Variants in APBA1 observed in about 807,000 individuals in gnomAD.
The protein encoded by APBA1 is amyloid-beta A4 precursor protein-binding family A member 1.
APBA1 carries 55 observed loss-of-function variants against 86.6 expected under a neutral mutation model. That is an observed-to-expected ratio of 0.64 (90% confidence interval 0.51 to 0.80). APBA1 has a LOEUF of 0.80. Ranked by LOEUF, APBA1 falls within the 30% of genes least tolerant of loss-of-function variation. APBA1 has a pLI of 0.00. For synonymous variants in APBA1, 511 were observed against 493.9 expected (o/e 1.03, Z -0.46); for missense variants, 1,090 against 1,183.0 (o/e 0.92, Z 1.15).
chr9:69,666,948 T>C (rs1049989574), intron 1 of APBA1, among the ~76,000 whole-genome samples: 3 of 152,370 alleles, frequency 2.0e-5, no homozygotes, highest in Admixed American at 6.5e-5. Flanking sequence ...CAAATGTATA[T>C]TGAATGCATA....
chr9:69,517,201 A>G lies in APBA1; in HGVS notation c.10T>C (p.Leu4=), dbSNP rs1836179598. The change falls in exon 2 of 13, where the codon TTG becomes CTG. Residue 4 remains leucine (L), a synonymous_variant. Coordinates refer to ENST00000265381, the MANE Select transcript of APBA1 (RefSeq NM_001163.4). MNH[L]EGSAEVEVTD... ...ACCTCCACCTCCGCAGACCCCTCCA[A>G]GTGGTTCATGGTGGGAGTCGGAACG... 2 of 1,502,526 alleles carry G rather than the reference A, an allele frequency of 1.3e-6. No individual in the cohort carries two copies. The highest frequency in any genetic ancestry group is 1.8e-6 in the Non-Finnish European group (2 of 1,125,388). 93.1% of individuals were successfully genotyped at this position (1,502,526 alleles called of 1,614,324 possible).
chr9:69,558,390 C>CT (rs1836894603), intron 1 of APBA1, among the ~76,000 whole-genome samples: 1 of 151,806 alleles, frequency 6.6e-6, no homozygotes. Context: ...ATTACTATGT[C>CT]TTTTCTATGC....
intron 3 of APBA1, among the ~76,000 whole-genome samples, chr9:69,473,471 A>G (rs1835396099): frequency 6.6e-6 from 1 of 152,200 alleles, no homozygotes; most frequent in Non-Finnish European, 1.5e-5. Context: ...GCCTCCAGGT[A>G]TATCTAAGAA....
At chr9:69,452,738 C>T (rs572911349) in intron 8 of APBA1, among the ~76,000 whole-genome samples, 201 of 152,326 alleles carry the variant, frequency 1.3e-3, no homozygotes, top group Non-Finnish European at 1.8e-3. Context: ...CTCTAATACA[C>T]ATCGAACATT....
intron 1 of APBA1, among the ~76,000 whole-genome samples, chr9:69,608,903 G>C (rs1564091132): frequency 6.6e-6 from 1 of 151,952 alleles, no homozygotes; most frequent in Non-Finnish European, 1.5e-5. Flanking sequence ...ATATTTTCTA[G>C]ACATAATCTA....
At chr9:69,440,476 G>T (rs1047651726) in intron 11 of APBA1, among the ~76,000 whole-genome samples, 2 of 151,730 alleles carry the variant, frequency 1.3e-5, no homozygotes, top group African/African-American at 2.4e-5. Flanking sequence ...TCAAGCCTGG[G>T]CAATGGTGGG....
chr9:69,504,177 T>A lies in APBA1; in HGVS notation c.1200+11834A>T, dbSNP rs547724048. Among the ~76,000 whole-genome samples, 3 of 152,196 alleles carry A rather than the reference T, an allele frequency of 2.0e-5. No individual in the cohort carries two copies. The South Asian group carries it at 6.2e-4, about 32-fold the overall frequency. On this transcript the variant is annotated intron_variant, in intron 2 of 12. Coordinates refer to ENST00000265381, the MANE Select transcript of APBA1 (RefSeq NM_001163.4). ...TAAAATCTTCTCTTTCTCCCTCCTG[T>A]TCTGAAACTTCTGTGAGTCTTTTCT...
chr9:69,570,447 G>A (rs1301968109), intron 1 of APBA1, among the ~76,000 whole-genome samples: 1 of 152,128 alleles, frequency 6.6e-6, no homozygotes, highest in Non-Finnish European at 1.5e-5. Context: ...TGGTAATACT[G>A]TAATATATCC....
At chr9:69,540,701 C>A (rs1588350654) in intron 1 of APBA1, among the ~76,000 whole-genome samples, 1 of 152,138 alleles carries the variant, frequency 6.6e-6, no homozygotes, top group Non-Finnish European at 1.5e-5. Flanking sequence ...CTGGCTCAAG[C>A]GGTTCTCCCA....
chr9:69,467,829 C>T lies in APBA1; in HGVS notation c.1476G>A (p.Arg492=). The T allele has an allele frequency of 6.2e-7, 1 of 1,614,198 alleles. No individual in the cohort carries two copies. Among genetic ancestry groups the T allele is most frequent in the Non-Finnish European group, 8.5e-7 (1 of 1,180,028 alleles). ...AGCACCCAGATGTCCTCACCTTGAT[C>T]CTGCTTACGGCTTCCTGGGCCTGCA... The part of the protein sequence containing the change: ...RMMQAQEAVS[R]IKMAQKLAKS... The change falls in exon 5 of 13, where the codon AGG becomes AGA. Residue 492 remains arginine (R), a synonymous_variant. Transcript: ENST00000265381.
At chr9:69,536,179 G>T (rs1483405001) in intron 1 of APBA1, among the ~76,000 whole-genome samples, 1 of 148,686 alleles carries the variant, frequency 6.7e-6, no homozygotes, top group African/African-American at 2.4e-5. Flanking sequence ...TTTTTCCTAT[G>T]CAGTGTTTCA....
intron 10 of APBA1, among the ~76,000 whole-genome samples, chr9:69,443,418 A>G (rs1391346964): frequency 6.6e-6 from 1 of 152,196 alleles, no homozygotes; most frequent in Non-Finnish European, 1.5e-5. Context: ...GCTCAGTGAG[A>G]GCAGGCGCTG....
At position 69,431,043 on chromosome 9, in the gene APBA1, C is replaced by T. The variant is rs1834582170; in HGVS notation, c.*284G>A. 3.0e-6 allele frequency: 1 copy of T among 333,148 alleles called. No homozygotes were observed. Among genetic ancestry groups the T allele is most frequent in the Non-Finnish European group, 5.4e-6 (1 of 184,824 alleles). The allele number at this position is 333,148 out of a possible 1,614,324, so 20.6% of individuals were successfully genotyped here. A position where few individuals can be genotyped will look rare whatever the true frequency, so the allele number is the denominator to read the frequency against. On this transcript the variant is annotated 3_prime_UTR_variant, in exon 13 of 13. Transcript: ENST00000265381. ...GCAGTGACAGCCCACCCCCTGGACA[C>T]ACCCAGAAAGCCCTCCAGGATGGTC...
intron 2 of APBA1, among the ~76,000 whole-genome samples, chr9:69,505,430 G>A (rs1053908336): frequency 2.0e-5 from 3 of 152,004 alleles, no homozygotes; most frequent in Non-Finnish European, 4.4e-5. Flanking sequence ...AAATCCTGGG[G>A]CACACTAACT....
At chr9:69,616,426 C>T (rs1822702073) in intron 1 of APBA1, among the ~76,000 whole-genome samples, 1 of 152,144 alleles carries the variant, frequency 6.6e-6, no homozygotes, top group South Asian at 2.1e-4. Context: ...ACCTTTAAGC[C>T]TAGGTTCACG....
chr9:69,617,593 T>G (rs1235337057), intron 1 of APBA1, among the ~76,000 whole-genome samples: 1 of 152,064 alleles, frequency 6.6e-6, no homozygotes, highest in Non-Finnish European at 1.5e-5. Context: ...GATACAGATT[T>G]GCTGTAGGCT....
chr9:69,617,815 G>A (rs1244666264), intron 1 of APBA1, among the ~76,000 whole-genome samples: 1 of 152,094 alleles, frequency 6.6e-6, no homozygotes, highest in East Asian at 1.9e-4. Flanking sequence ...ATGGCATTAT[G>A]TACACTCACA....
intron 5 of APBA1, among the ~76,000 whole-genome samples, chr9:69,458,720 C>A (rs1835140793): frequency 6.6e-6 from 1 of 151,708 alleles, no homozygotes; most frequent in Non-Finnish European, 1.5e-5. Flanking sequence ...TTTCAAATTT[C>A]CACTGCAATT....
Position 69,427,824 on chromosome 9 carries a change from A to ATTGT in APBA1, c.*3499_*3502dup, listed in dbSNP as rs1834513686. 2.6e-5 allele frequency: 4 copies of ATTGT among 152,038 alleles called. No individual in the cohort carries two copies. The allele number at this position is 152,038 out of a possible 1,614,324, so 9.4% of individuals were successfully genotyped here. A position where few individuals can be genotyped will look rare whatever the true frequency, so the allele number is the denominator to read the frequency against. On this transcript the variant is annotated 3_prime_UTR_variant, in exon 13 of 13. Coordinates refer to ENST00000265381, the MANE Select transcript of APBA1 (RefSeq NM_001163.4). ...GAGTTTTGTGTATACAAAGAACGAT[A>ATTGT]TTGTTACAAATACAATACTATACTT...
Sources: allele counts gnomAD v4.1 joint callset (sites outside exome capture counted in the v4.1 genomes callset), GRCh38; gene constraint gnomAD v4.1.1; transcripts MANE v1.5; gene names NCBI Gene and HGNC (gene_info 2026-07-23, HGNC 2026-07-21).